Variants in HEXD observed in about 807,000 individuals in gnomAD.
HEXD encodes the protein hexosaminidase D.
A neutral mutation model predicts 54.2 loss-of-function variants in HEXD; 47 were observed. That is an observed-to-expected ratio of 0.87 (90% CI 0.69 to 1.11). The LOEUF is 1.11. Ranked by LOEUF, HEXD falls within the 50% of genes least tolerant of loss-of-function variation. HEXD has a pLI of 0.00. For missense variants in HEXD, 576 were observed against 649.2 expected (o/e 0.89, Z 1.23); for synonymous variants, 293 against 287.6 (o/e 1.02, Z -0.19).
At position 82,434,849 on chromosome 17, in the gene HEXD, GTAAA is replaced by G. The variant is rs943474154; in HGVS notation, c.448-829_448-826del. Among the ~76,000 whole-genome samples the G allele has an allele frequency of 6.7e-6, 1 of 149,406 alleles. No homozygotes were observed. Among genetic ancestry groups the G allele is most frequent in the African/African-American group, 2.5e-5 (1 of 40,384 alleles). ...TGAGACTCCGGCTCTAAATAAATAAGTAAATAAATAAATAGGCCAGGCACGGTGG... is the reference window on the plus strand; with the variant it reads ...TGAGACTCCGGCTCTAAATAAATAAGTAAATAAATAGGCCAGGCACGGTGG... On this transcript the variant is annotated intron_variant, in intron 5 of 12. Transcript: ENST00000327949. The surrounding 1 kb of genome is among the most constrained non-coding windows in gnomAD (Gnocchi z 4.5).
chr17:82,424,251 G>T, intron 2 of HEXD, 143 bp from the exon 3 acceptor site: 1 of 660,726 alleles, frequency 1.5e-6, no homozygotes. Flanking sequence ...TACACATTCC[G>T]GATTTAAGGT....
rs1286865004 is a variant in HEXD at position 82,418,609 on chromosome 17, C to T, written c.-183C>T. 4 of 388,832 alleles carry T rather than the reference C, an allele frequency of 1.0e-5. No individual in the cohort carries two copies. The highest frequency in any genetic ancestry group is 8.1e-4 in the Middle Eastern group (1 of 1,240). The allele number at this position is 388,832 out of a possible 1,614,324, so 24.1% of individuals were successfully genotyped here. ...AGTGCGACGCGCTCGGCCATCGGCC[C>T]CTGGGCTGGCGGCCAGGCCCGAGCA... On this transcript the variant is annotated 5_prime_UTR_variant, in exon 1 of 13. Coordinates refer to ENST00000327949, the MANE Select transcript of HEXD (RefSeq NM_001330542.2).
chr17:82,436,326 G>A (rs1258719514), intron 6 of HEXD, among the ~76,000 whole-genome samples: 1 of 152,252 alleles, frequency 6.6e-6, no homozygotes, highest in African/African-American at 2.4e-5. Context: ...GCAGAGCTGG[G>A]AGCCAGGGTG....
chr17:82,433,233 G>C (rs1264421113), intron 4 of HEXD, among the ~76,000 whole-genome samples: 1 of 148,638 alleles, frequency 6.7e-6, no homozygotes, highest in Non-Finnish European at 1.5e-5. Context: ...CTTGTGGTCA[G>C]GAGTTCAAGA....
chr17:82,442,544 G>C lies in HEXD; in HGVS notation c.*160G>C. On this transcript the variant is annotated 3_prime_UTR_variant, in exon 13 of 13. Coordinates refer to ENST00000327949, the MANE Select transcript of HEXD (RefSeq NM_001330542.2). This position sits in a 1 kb window ranked among gnomAD's most constrained non-coding sequence, Gnocchi z 6.8. The stretch of plus-strand genomic sequence containing the variant: ...AGGGCCCTGGGCAGCCCCTGGGGGA[G>C]AGACTAGAAAACACAGAAGGAAGCA... 2 of 1,587,198 alleles carry C rather than the reference G, an allele frequency of 1.3e-6. No homozygotes were observed. Among genetic ancestry groups the C allele is most frequent in the Non-Finnish European group, 8.6e-7 (1 of 1,158,084 alleles).
chr17:82,432,380 C>T (rs78844048), intron 4 of HEXD, among the ~76,000 whole-genome samples: 3,243 of 152,138 alleles, frequency 0.021, 76 homozygotes, highest in East Asian at 0.1. Flanking sequence ...GGCCTCTTCT[C>T]CAGTTGCTGC....
chr17:82,440,883 G>T, intron 9 of HEXD, 114 bp from the exon 10 acceptor site: 1 of 1,206,290 alleles, frequency 8.3e-7, no homozygotes, highest in East Asian at 2.3e-5. Flanking sequence ...CCTGGCCAGT[G>T]GCTCTCCATT....
In HEXD at chr17:82,439,748, C is replaced by T. The variant is rs765108353; in HGVS notation, c.982+35C>T. 5 of 1,598,728 alleles carry T rather than the reference C, an allele frequency of 3.1e-6. No individual in the cohort carries two copies. In the South Asian group the frequency reaches 4.4e-5, roughly 14 times the overall value. On this transcript the variant is annotated intron_variant, in intron 9 of 12. Coordinates refer to ENST00000327949, the MANE Select transcript of HEXD (RefSeq NM_001330542.2). ...GTCTGGCCACCCCAAGCCCCACCGGCCCCTCCCCGAAAGACCCGGAGGGCA... is the reference window on the plus strand; with the variant it reads ...GTCTGGCCACCCCAAGCCCCACCGGTCCCTCCCCGAAAGACCCGGAGGGCA...
Position 82,439,741 on chromosome 17 carries a change from C to T in HEXD, c.982+28C>T, listed in dbSNP as rs1377354496. ...ATGTCTGGTCTGGCCACCCCAAGCC[C>T]CACCGGCCCCTCCCCGAAAGACCCG... is the stretch of plus-strand genomic sequence containing the variant. On this transcript the variant is annotated intron_variant, in intron 9 of 12. Transcript: ENST00000327949. 13 of 1,598,928 alleles carry T rather than the reference C, an allele frequency of 8.1e-6. 1 individual carries two copies. Among genetic ancestry groups the T allele is most frequent in the Non-Finnish European group, 1.1e-5 (13 of 1,179,720 alleles).
intron 4 of HEXD, among the ~76,000 whole-genome samples, chr17:82,429,170 G>C (rs1015413318): frequency 6.6e-6 from 1 of 152,150 alleles, no homozygotes; most frequent in Non-Finnish European, 1.5e-5. Context: ...TGGGGCAGGA[G>C]AATCACTTGA....
chr17:82,432,959 G>A (rs1278995244), intron 4 of HEXD, among the ~76,000 whole-genome samples: 26 of 145,496 alleles, frequency 1.8e-4, no homozygotes, highest in Middle Eastern at 3.5e-3. Flanking sequence ...CCAGCTACTC[G>A]GGAGGCTGAG....
chr17:82,433,128 A>ATATATT (rs71168109), intron 4 of HEXD, among the ~76,000 whole-genome samples: 15 of 13,060 alleles, frequency 1.1e-3, no homozygotes, highest in Admixed American at 1.5e-3. Flanking sequence ...ATATATATAT[A>ATATATT]TTTTTTTTTT....
chr17:82,439,735 C>G (rs776359994), intron 9 of HEXD, 22 bp downstream of exon 9: 21 of 1,599,010 alleles, frequency 1.3e-5, no homozygotes, highest in Non-Finnish European at 1.8e-5. Context: ...CTGGCCACCC[C>G]AAGCCCCACC....
At chr17:82,440,118 TCTC>T (rs2053888232) in intron 9 of HEXD, 1 of 1,295,486 alleles carries the variant, frequency 7.7e-7, no homozygotes, top group Admixed American at 2.3e-5. Context: ...CACTTCCAGG[TCTC>T]CTGAGGGAGC....
intron 8 of HEXD, among the ~76,000 whole-genome samples, chr17:82,438,434 C>T (rs2053836044): frequency 1.3e-5 from 2 of 152,152 alleles, no homozygotes; most frequent in Admixed American, 1.3e-4. Flanking sequence ...AATCCTGTGA[C>T]TGTGGGTCCT....
chr17:82,422,166 C>CA (rs767984716), intron 2 of HEXD, among the ~76,000 whole-genome samples: 1,321 of 65,696 alleles, frequency 0.02, 12 homozygotes, highest in Middle Eastern at 0.053. Flanking sequence ...GACTCTGTCT[C>CA]AAAAAAAAAA....
chr17:82,433,709 C>T lies in HEXD; in HGVS notation c.334C>T (p.Pro112Ser), dbSNP rs764023982. 57 of 1,612,810 alleles carry T rather than the reference C, an allele frequency of 3.5e-5. No individual in the cohort carries two copies. The South Asian group carries it at 6.0e-4, about 17-fold the overall frequency. The change falls in exon 5 of 13, where the codon CCC becomes TCC. Residue 112 changes from proline to serine, a missense_variant. Physicochemically the swap from Pro to Ser is moderately conservative, Grantham distance 74. Coordinates refer to ENST00000327949, the MANE Select transcript of HEXD (RefSeq NM_001330542.2). ...FAHLREVGSF[P>S]CTLNPHEAES... Reference sequence around the variant, plus strand: ...CCACCTGCGGGAGGTGGGCTCCTTCCCCTGCACCCTGAACCCCCACGAGGC... The same window carrying T: ...CCACCTGCGGGAGGTGGGCTCCTTCTCCTGCACCCTGAACCCCCACGAGGC...
intron 2 of HEXD, among the ~76,000 whole-genome samples, chr17:82,422,809 C>A (rs2053274408): frequency 6.6e-6 from 1 of 152,146 alleles, no homozygotes; most frequent in African/African-American, 2.4e-5. Flanking sequence ...ATAATCCCAG[C>A]ACTTTGGGAG....
Position 82,419,754 on chromosome 17 carries a change from AGT to A in HEXD, c.-45_-44del, listed in dbSNP as rs2053176638. ...CTCTTGATTTTCTCCACTAGGAAGAAGTCCCCAAGGAGACTTCGCCATAGGAG... is the reference window on the plus strand; with the variant it reads ...CTCTTGATTTTCTCCACTAGGAAGAACCCCAAGGAGACTTCGCCATAGGAG... On this transcript the variant is annotated 5_prime_UTR_variant, in exon 2 of 13. The change abolishes the stop of an existing upstream ORF in the 5' untranslated region. Coordinates refer to ENST00000327949, the MANE Select transcript of HEXD (RefSeq NM_001330542.2). The A allele has an allele frequency of 8.1e-7, 1 of 1,239,032 alleles. No homozygotes were observed. The highest frequency in any genetic ancestry group is 1.8e-5 in the Admixed American group (1 of 57,102). 76.8% of individuals were successfully genotyped at this position (1,239,032 alleles called of 1,614,324 possible).
Sources: allele counts gnomAD v4.1 joint callset (sites outside exome capture counted in the v4.1 genomes callset), GRCh38; gene constraint gnomAD v4.1.1; non-coding constraint Gnocchi (gnomAD v3.1); transcripts MANE v1.5; gene names NCBI Gene and HGNC (gene_info 2026-07-23, HGNC 2026-07-21).